The following RGS12 variants were observed in gnomAD, a reference collection of about 807,000 sequenced individuals.
The protein encoded by RGS12 is regulator of G-protein signaling 12.
Under a neutral mutation model 120.1 loss-of-function variants are expected in RGS12, and 66 were observed. The observed-to-expected ratio is 0.55, with a 90% CI of 0.45 to 0.67. The LOEUF (loss-of-function observed/expected upper bound fraction) is 0.67. RGS12 is among the 30% of genes least tolerant of loss of function. The pLI, the probability that RGS12 is intolerant of heterozygous loss-of-function variation, is 0.00. For missense variants in RGS12, 1,859 were observed against 1,957.7 expected, an observed-to-expected ratio of 0.95 and a Z score of 0.95; for synonymous variants, 827 against 804.7, an observed-to-expected ratio of 1.03 and a Z score of -0.47.
At chr4:3,383,009 C>T (rs1338341221) in intron 3 of RGS12, among the ~76,000 whole-genome samples, 2 of 152,040 alleles carry the variant, frequency 1.3e-5, no homozygotes, top group Non-Finnish European at 2.9e-5. Context: ...AACTCATATT[C>T]GAGTGGGCTC....
intron 3 of RGS12, among the ~76,000 whole-genome samples, chr4:3,369,725 C>G (rs1041484813): frequency 1.3e-5 from 2 of 152,128 alleles, no homozygotes; most frequent in Admixed American, 6.5e-5. Flanking sequence ...TTTTTAGAGC[C>G]AGGATCCATC....
chr4:3,391,736 C>T (rs971192271), intron 4 of RGS12, among the ~76,000 whole-genome samples: 2 of 142,054 alleles, frequency 1.4e-5, no homozygotes, highest in Non-Finnish European at 3.0e-5. Flanking sequence ...TTGGGGGCCT[C>T]GTCAGAGAGG....
At position 3,417,047 on chromosome 4, in the gene RGS12, G is replaced by T; in HGVS notation, c.2562G>T (p.Lys854Asn). The T allele has an allele frequency of 6.2e-7, 1 of 1,612,986 alleles. No homozygotes were observed. Among genetic ancestry groups the T allele is most frequent in the Non-Finnish European group, 8.5e-7 (1 of 1,179,660 alleles). ...SQQVPSSPAS[K>N]HSLGSDHSSV... is the part of the protein sequence containing the mutation. ...AGGTCCCCAGCAGCCCGGCTTCCAA[G>T]CACAGCCTCGGTTCAGACCACTCCA... The change falls in exon 8 of 18, where the codon AAG becomes AAT. Residue 854 changes from lysine (K) to asparagine (N), a missense_variant. Coordinates refer to ENST00000336727, the MANE Select transcript of RGS12 (RefSeq NM_001394154.1).
chr4:3,434,441 C>T (rs1216845628), intron 17 of RGS12, among the ~76,000 whole-genome samples: 2 of 152,062 alleles, frequency 1.3e-5, no homozygotes, highest in East Asian at 1.9e-4. Context: ...GGTGTGTGTT[C>T]GTGTGGCATG....
chr4:3,379,229 G>A (rs1227342019), intron 3 of RGS12, among the ~76,000 whole-genome samples: 2 of 152,150 alleles, frequency 1.3e-5, no homozygotes, highest in Non-Finnish European at 2.9e-5. Flanking sequence ...AGAGATGTTG[G>A]ACACAGGATA....
At chr4:3,402,859 C>T (rs1368249501) in intron 4 of RGS12, among the ~76,000 whole-genome samples, 2 of 152,174 alleles carry the variant, frequency 1.3e-5, no homozygotes, top group African/African-American at 4.8e-5. Flanking sequence ...CTCAAGTAAG[C>T]ATAATAAATG....
At chr4:3,379,557 A>G (rs1035449463) in intron 3 of RGS12, among the ~76,000 whole-genome samples, 11 of 152,198 alleles carry the variant, frequency 7.2e-5, no homozygotes, top group African/African-American at 2.7e-4. Flanking sequence ...GAAATACTTG[A>G]GACTGGGTAA....
chr4:3,428,069 A>G, intron 14 of RGS12, 21 bp from the exon 15 acceptor site: 1 of 1,609,968 alleles, frequency 6.2e-7, no homozygotes. Context: ...CCCTGAAGTC[A>G]TAAAGCTTTC....
chr4:3,409,821 CCT>C (rs1230204573), intron 4 of RGS12, among the ~76,000 whole-genome samples: 5 of 152,234 alleles, frequency 3.3e-5, no homozygotes, highest in African/African-American at 7.2e-5. Flanking sequence ...TTCTGCCTCC[CCT>C]GTCTTCCCGT....
At chr4:3,314,632 C>T (rs111673417) in intron 1 of RGS12, 4,235 of 152,334 alleles carry the variant, frequency 0.028, 76 homozygotes, top group Middle Eastern at 0.082. Flanking sequence ...TCTTGATCTC[C>T]TGACCTCGTG....
At chr4:3,328,667 T>G (rs1304296357) in intron 2 of RGS12, among the ~76,000 whole-genome samples, 1 of 152,248 alleles carries the variant, frequency 6.6e-6, no homozygotes, top group East Asian at 1.9e-4. Context: ...GATAGAGAGA[T>G]ACAGGTATAG....
chr4:3,439,845 G>A lies in RGS12; in HGVS notation c.*161G>A, dbSNP rs374312381. 2.7e-5 allele frequency: 17 copies of A among 629,600 alleles called. No homozygotes were observed. The highest frequency in any genetic ancestry group is 1.6e-4 in the East Asian group (5 of 31,818). 39.0% of individuals were successfully genotyped at this position (629,600 alleles called of 1,614,324 possible). A position where few individuals can be genotyped will look rare whatever the true frequency, so the allele number is the denominator to read the frequency against. ...CTGGAGGCACTGGCCCCGGACATTCGCCATGCTGGCCATGGGGCTCCCTGG... is the reference window on the plus strand; with the variant it reads ...CTGGAGGCACTGGCCCCGGACATTCACCATGCTGGCCATGGGGCTCCCTGG... On this transcript the variant is annotated 3_prime_UTR_variant, in exon 18 of 18. Coordinates refer to ENST00000336727, the MANE Select transcript of RGS12 (RefSeq NM_001394154.1).
intron 3 of RGS12, among the ~76,000 whole-genome samples, chr4:3,360,733 A>G (rs79488167): frequency 0.039 from 5,921 of 152,278 alleles, 157 homozygotes; most frequent in African/African-American, 0.075. Context: ...GAATATTAGG[A>G]ACTTGCACTC....
chr4:3,401,237 A>G (rs972012165), intron 4 of RGS12, among the ~76,000 whole-genome samples: 71 of 152,360 alleles, frequency 4.7e-4, no homozygotes, highest in African/African-American at 1.7e-3. Flanking sequence ...GGGAGGGGGT[A>G]TAGGACCAGA....
intron 1 of RGS12, chr4:3,312,916 CAA>C (rs76913216): frequency 7.6e-5 from 11 of 144,358 alleles, no homozygotes; most frequent in Admixed American, 7.0e-5. Context: ...CAGTTTTCTC[CAA>C]AAAAAAAAAA....
rs1377031958 is a variant in RGS12, at chr4:3,372,628, G to A, written c.1999-13788G>A. On this transcript the variant is annotated intron_variant, in intron 3 of 17. Transcript: ENST00000336727. The surrounding 1 kb of genome is among the most constrained non-coding windows in gnomAD (Gnocchi z 4.3). ...TGGAGGTGGCGGCGGCCATCAGGGT[G>A]TGGTTTTGTGACGTCTCAGGGTGTC... Among the ~76,000 whole-genome samples the A allele has an allele frequency of 3.3e-5, 5 of 152,266 alleles. No homozygotes were observed. Among genetic ancestry groups the A allele is most frequent in the African/African-American group, 1.2e-4 (5 of 41,464 alleles).
Position 3,430,864 on chromosome 4 carries a change from C to T in RGS12, c.4023C>T (p.Thr1341=). The change falls in exon 17 of 18, where the codon ACC becomes ACT. Residue 1341 remains threonine (T), a synonymous_variant. Transcript: ENST00000336727. ...AGGATGAGCACGTGGCCGAGCTGAC[C>T]CTGATGGGGGAGGGGGACATCAGCA... ...TVEDEHVAEL[T]LMGEGDISSP... 1 of 1,612,110 alleles carries T rather than the reference C, an allele frequency of 6.2e-7. No individual in the cohort carries two copies. Among genetic ancestry groups the T allele is most frequent in the Non-Finnish European group, 8.5e-7 (1 of 1,179,658 alleles).
At chr4:3,398,168 T>C (rs1045530825) in intron 4 of RGS12, among the ~76,000 whole-genome samples, 9 of 152,252 alleles carry the variant, frequency 5.9e-5, no homozygotes, top group African/African-American at 1.9e-4. Flanking sequence ...GCATTTTCAA[T>C]ATAATTGACC....
intron 2 of RGS12, among the ~76,000 whole-genome samples, chr4:3,332,177 A>G (rs538105582): frequency 3.9e-4 from 59 of 152,250 alleles, no homozygotes; most frequent in Middle Eastern, 3.4e-3. Context: ...CTCGTGTTCT[A>G]TGGGGTTTCC....
Sources: gnomAD v4.1 joint callset for allele counts (sites outside exome capture counted in the v4.1 genomes callset) on GRCh38, gnomAD v4.1.1 for gene constraint, Gnocchi (gnomAD v3.1) non-coding constraint, MANE v1.5 for transcripts, NCBI Gene and HGNC (gene_info 2026-07-23, HGNC 2026-07-21) for gene names.